UNC13B: variants seen among roughly 807,000 people sequenced by gnomAD.
UNC13B encodes unc-13 homolog B, also known as protein unc-13 homolog B.
A neutral mutation model predicts 211.0 loss-of-function variants in UNC13B; 144 were observed. The ratio of observed to expected loss-of-function variants is 0.68; its 90% CI spans 0.60 to 0.78. The LOEUF (loss-of-function observed/expected upper bound fraction) is 0.78. Ranked by LOEUF, UNC13B falls within the 30% of genes least tolerant of loss-of-function variation. UNC13B has a pLI of 0.00. For synonymous variants in UNC13B, 709 were observed against 725.8 expected (o/e 0.98, Z 0.37); for missense variants, 1,777 against 2,002.0 (o/e 0.89, Z 2.14).
intron 1 of UNC13B, among the ~76,000 whole-genome samples, chr9:35,206,237 A>G (rs1007977145): frequency 6.6e-6 from 1 of 152,188 alleles, no homozygotes; most frequent in Admixed American, 6.5e-5. Context: ...GGTGATAGTC[A>G]CATAACATAC....
At chr9:35,191,972 T>C (rs1822684318) in intron 1 of UNC13B, among the ~76,000 whole-genome samples, 1 of 152,218 alleles carries the variant, frequency 6.6e-6, no homozygotes, top group African/African-American at 2.4e-5. Flanking sequence ...CACAAATCCC[T>C]TTTCATTAAT....
intron 1 of UNC13B, among the ~76,000 whole-genome samples, chr9:35,186,309 C>T (rs966404533): frequency 5.3e-5 from 8 of 152,164 alleles, no homozygotes; most frequent in African/African-American, 9.7e-5. Flanking sequence ...GCTCCCTTAT[C>T]TAAACTCAAG....
chr9:35,165,604 A>G (rs1820995581), intron 1 of UNC13B, among the ~76,000 whole-genome samples: 3 of 151,616 alleles, frequency 2.0e-5, no homozygotes, highest in Admixed American at 6.6e-5. Context: ...TTTTTAGTAG[A>G]GACGGGGTTT....
intron 1 of UNC13B, among the ~76,000 whole-genome samples, chr9:35,226,600 A>G (rs1255292423): frequency 6.6e-6 from 1 of 152,198 alleles, no homozygotes; most frequent in Non-Finnish European, 1.5e-5. Flanking sequence ...CTGGCAAAGC[A>G]CAGGTGTAAG....
chr9:35,300,757 C>T lies in UNC13B; in HGVS notation c.1353C>T (p.Pro451=), dbSNP rs558479818. ...TAACCCCTTCCTCTATTGAGGAGCCCAAGGAGGACCGTATTGATACAATGG... is the reference window on the plus strand; with the variant it reads ...TAACCCCTTCCTCTATTGAGGAGCCTAAGGAGGACCGTATTGATACAATGG... The part of the protein sequence containing the change: ...EEITPSSIEE[P]KEDRIDTMDE... The change falls in exon 9 of 40, where the codon CCC becomes CCT. Residue 451 remains proline (P), a synonymous_variant. Coordinates refer to ENST00000635942, the MANE Select transcript of UNC13B (RefSeq NM_001371189.2). 3.5e-5 allele frequency: 14 copies of T among 398,826 alleles called. No individual in the cohort carries two copies. Among genetic ancestry groups the T allele is most frequent in the African/African-American group, 2.9e-4 (14 of 48,720 alleles). The allele number at this position is 398,826 out of a possible 1,614,324, so 24.7% of individuals were successfully genotyped here.
Position 35,381,146 on chromosome 9 carries a change from A to G in UNC13B, c.10422A>G (p.Gln3474=). The change falls in exon 19 of 40, where the codon CAA becomes CAG. Residue 3474 remains glutamine (Q), a synonymous_variant. Coordinates refer to ENST00000635942, the MANE Select transcript of UNC13B (RefSeq NM_001371189.2). The stretch of plus-strand genomic sequence containing the variant: ...CCGTCTCAGGGGCTATCCGACTACA[A>G]ATCAGTGTGGAGATCAAGGGGGAGG... The part of the protein sequence containing the change: ...KSAVSGAIRL[Q]ISVEIKGEEK... 1.2e-6 allele frequency: 2 copies of G among 1,614,170 alleles called. No homozygotes were observed. Among genetic ancestry groups the G allele is most frequent in the Non-Finnish European group, 1.7e-6 (2 of 1,180,034 alleles).
At position 35,237,706 on chromosome 9, in the gene UNC13B, G is replaced by A. The variant is rs1483577097; in HGVS notation, c.274G>A (p.Gly92Arg). The A allele has an allele frequency of 2.5e-6, 4 of 1,611,164 alleles. No homozygotes were observed. Among genetic ancestry groups the A allele is most frequent in the Admixed American group, 3.4e-5 (2 of 59,128 alleles). Residue 92 changes from glycine to arginine, a missense_variant, in exon 5 of 40, where the codon GGG becomes AGG. Physicochemically the swap from Gly to Arg is moderately radical, Grantham distance 125. Transcript: ENST00000635942. Reference protein sequence around the residue: ...LKTIRQSDEEGPGEWSTLEAE... With the variant: ...LKTIRQSDEERPGEWSTLEAE... ...ATCTTAGATCTTTGTTTCCTAGGAA[G>A]GGCCTGGGGAATGGTCCACATTAGA...
chr9:35,398,852 GGAAAGGCTACACTGCGGGCACATGT>G lies in UNC13B; in HGVS notation c.11922-28_11922-4del. 1.2e-6 allele frequency: 2 copies of G among 1,602,816 alleles called. No homozygotes were observed. Among genetic ancestry groups the G allele is most frequent in the Non-Finnish European group, 1.7e-6 (2 of 1,171,960 alleles). ...CCAGGGACAGTGTGTGTTTGGGGAGGGAAAGGCTACACTGCGGGCACATGTGTAGTTTCCAGGTACGGATTGATGA... is the reference window on the plus strand; with the variant it reads ...CCAGGGACAGTGTGTGTTTGGGGAGGGTAGTTTCCAGGTACGGATTGATGA... On this transcript the variant is annotated splice_region_variant and splice_polypyrimidine_tract_variant and intron_variant, in intron 32 of 39. Transcript: ENST00000635942.
At position 35,231,984 on chromosome 9, in the gene UNC13B, G is replaced by C. The variant is rs1189253389; in HGVS notation, c.152+765G>C. Among the ~76,000 whole-genome samples the C allele has an allele frequency of 8.6e-5, 13 of 151,724 alleles. No homozygotes were observed. In the East Asian group the frequency reaches 2.3e-3, roughly 27 times the overall value. On this transcript the variant is annotated intron_variant, in intron 3 of 39. Coordinates refer to ENST00000635942, the MANE Select transcript of UNC13B (RefSeq NM_001371189.2). ...AGGTCTTCCTTTCTCAGAAGATTATGCTTGTTTTTTCTGGGAGTTGGAGGT... is the reference window on the plus strand; with the variant it reads ...AGGTCTTCCTTTCTCAGAAGATTATCCTTGTTTTTTCTGGGAGTTGGAGGT...
intron 11 of UNC13B, among the ~76,000 whole-genome samples, chr9:35,347,293 C>G (rs1280780099): frequency 1.4e-4 from 22 of 152,200 alleles, no homozygotes; most frequent in Non-Finnish European, 5.9e-5. Flanking sequence ...TATTAGAGAG[C>G]AGGTACTGCA....
chr9:35,337,213 G>C (rs906409457), intron 11 of UNC13B, among the ~76,000 whole-genome samples: 1 of 152,152 alleles, frequency 6.6e-6, no homozygotes, highest in Non-Finnish European at 1.5e-5. Context: ...AGAGGAGTGA[G>C]TGGGAGGTGG....
chr9:35,210,686 G>T (rs1823919852), intron 1 of UNC13B, among the ~76,000 whole-genome samples: 1 of 152,004 alleles, frequency 6.6e-6, no homozygotes, highest in South Asian at 2.1e-4. Flanking sequence ...ACCATGCCCG[G>T]CTAATTTTTG....
intron 7 of UNC13B, among the ~76,000 whole-genome samples, chr9:35,291,815 G>A (rs555648278): frequency 2.0e-5 from 3 of 152,202 alleles, no homozygotes; most frequent in South Asian, 2.1e-4. Context: ...GTACTAAGAC[G>A]GGCCAAAGTT....
intron 6 of UNC13B, among the ~76,000 whole-genome samples, chr9:35,245,378 T>A (rs1826030864): frequency 6.6e-6 from 1 of 152,006 alleles, no homozygotes; most frequent in African/African-American, 2.4e-5. Flanking sequence ...CTTTAAGTTT[T>A]AGGGTACATG....
chr9:35,272,449 G>C (rs1227686961), intron 7 of UNC13B, among the ~76,000 whole-genome samples: 6 of 151,628 alleles, frequency 4.0e-5, no homozygotes, highest in Admixed American at 3.9e-4. Context: ...GTAGAGACAG[G>C]GTTTCACCAT....
chr9:35,304,987 A>G lies in UNC13B; in HGVS notation c.5583A>G (p.Val1861=), dbSNP rs1184457074. The part of the protein sequence containing the change: ...KQSLLKSGFQ[V]SQTTPQAKSG... ...GTTTGTTAAAATCTGGTTTCCAGGT[A>G]AGCCAAACAACTCCTCAGGCTAAAT... Residue 1861 remains valine, a synonymous_variant, in exon 9 of 40, where the codon GTA becomes GTG. Coordinates refer to ENST00000635942, the MANE Select transcript of UNC13B (RefSeq NM_001371189.2). 7.5e-6 allele frequency: 3 copies of G among 398,848 alleles called. No homozygotes were observed. The highest frequency in any genetic ancestry group is 1.3e-5 in the Non-Finnish European group (3 of 226,020). The allele number at this position is 398,848 out of a possible 1,614,324, so 24.7% of individuals were successfully genotyped here. A position where few individuals can be genotyped will look rare whatever the true frequency, so the allele number is the denominator to read the frequency against.
Position 35,302,701 on chromosome 9 carries a change from G to A in UNC13B, c.3297G>A (p.Lys1099=). The A allele has an allele frequency of 2.5e-6, 1 of 398,580 alleles. No individual in the cohort carries two copies. The highest frequency in any genetic ancestry group is 4.4e-6 in the Non-Finnish European group (1 of 225,734). The allele number at this position is 398,580 out of a possible 1,614,324, so 24.7% of individuals were successfully genotyped here. A position where few individuals can be genotyped will look rare whatever the true frequency, so the allele number is the denominator to read the frequency against. The change falls in exon 9 of 40, where the codon AAG becomes AAA. Residue 1099 remains lysine (K), a synonymous_variant. Coordinates refer to ENST00000635942, the MANE Select transcript of UNC13B (RefSeq NM_001371189.2). The part of the protein sequence containing the change: ...HITSDPLGED[K]NLIQAASSVA... ...CTTCAGATCCTTTAGGAGAAGATAAGAATCTTATACAAGCAGCATCTTCAG... is the reference window on the plus strand; with the variant it reads ...CTTCAGATCCTTTAGGAGAAGATAAAAATCTTATACAAGCAGCATCTTCAG...
chr9:35,303,312 T>C lies in UNC13B; in HGVS notation c.3908T>C (p.Leu1303Ser), dbSNP rs1040954760. ...GCTCCAAGTGCTCAGCTAGGTTTTT[T>C]GGAGAAATCTATGGCTAAGAGGCAA... ...HCAPSAQLGF[L>S]EKSMAKRQMP... The change falls in exon 9 of 40, where the codon TTG (leucine) becomes TCG (serine). Residue 1303 changes from leucine to serine, a missense_variant. Physicochemically the swap from Leu to Ser is moderately radical, Grantham distance 145 (BLOSUM62 -2). Transcript: ENST00000635942. 2 of 398,634 alleles carry C rather than the reference T, an allele frequency of 5.0e-6. No individual in the cohort carries two copies. Among genetic ancestry groups the C allele is most frequent in the Non-Finnish European group, 8.9e-6 (2 of 225,804 alleles). 24.7% of individuals were successfully genotyped at this position (398,634 alleles called of 1,614,324 possible). A position where few individuals can be genotyped will look rare whatever the true frequency, so the allele number is the denominator to read the frequency against.
intron 7 of UNC13B, among the ~76,000 whole-genome samples, chr9:35,259,843 A>G (rs1379159013): frequency 6.7e-6 from 1 of 149,100 alleles, no homozygotes; most frequent in Non-Finnish European, 1.5e-5. Context: ...TTTTTTCTGA[A>G]TCTCATGCCA....
Sources: allele counts gnomAD v4.1 joint callset (sites outside exome capture counted in the v4.1 genomes callset), GRCh38; gene constraint gnomAD v4.1.1; transcripts MANE v1.5; gene names NCBI Gene and HGNC (gene_info 2026-07-23, HGNC 2026-07-21).